The following NAV2 variants were observed in gnomAD, a reference collection of about 807,000 sequenced individuals.
NAV2 encodes helicase, APC down-regulated 1.
NAV2 carries 54 observed loss-of-function variants against 223.2 expected under a neutral mutation model. The observed-to-expected ratio is 0.24, with a 90% CI of 0.19 to 0.30. The LOEUF is 0.30. NAV2 is among the 10% of genes least tolerant of loss of function. NAV2 has a pLI of 1.00. For missense variants in NAV2, 2,806 were observed against 3,147.5 expected (o/e 0.89, Z 2.60); for synonymous variants, 1,279 against 1,239.3 (o/e 1.03, Z -0.67).
intron 1 of NAV2, among the ~76,000 whole-genome samples, chr11:19,782,172 T>C (rs1028759864): frequency 4.6e-5 from 7 of 152,226 alleles, no homozygotes; most frequent in African/African-American, 9.6e-5. Context: ...TTCCATTCTT[T>C]CCTTGAGAAA....
intron 3 of NAV2, among the ~76,000 whole-genome samples, chr11:19,867,019 C>T (rs948300678): frequency 1.3e-5 from 2 of 152,100 alleles, no homozygotes; most frequent in Non-Finnish European, 2.9e-5. Context: ...ACTAGTGTCT[C>T]TTTTGGGGGG....
chr11:19,350,929 G>C (rs1430730806), exon 1 of NAV2: 1 of 1,550,796 alleles, frequency 6.4e-7, no homozygotes, highest in East Asian at 2.4e-5. Context: ...CGCTGAAGGA[G>C]AGAGAGGATT....
chr11:19,354,981 A>G (rs183941549), intron 1 of NAV2, among the ~76,000 whole-genome samples: 3 of 152,324 alleles, frequency 2.0e-5, no homozygotes, highest in Non-Finnish European at 4.4e-5. Context: ...CTCTTGTCAG[A>G]TTCAAATTCT....
At position 20,097,063 on chromosome 11, in the gene NAV2, A is replaced by G. The variant is rs375847145; in HGVS notation, c.6013-514A>G. Among the ~76,000 whole-genome samples the G allele has an allele frequency of 3.7e-4, 56 of 152,266 alleles. 1 individual carries two copies. In the Middle Eastern group the frequency reaches 0.01, roughly 28 times the overall value. On this transcript the variant is annotated intron_variant, in intron 30 of 37. Transcript: ENST00000349880. The stretch of plus-strand genomic sequence containing the variant: ...TAACCTAAAACCTTTTGTTCACTCA[A>G]CTAAGAGGGAACACTTTCCAAATTA...
intron 1 of NAV2, among the ~76,000 whole-genome samples, chr11:19,676,068 C>A (rs2048703493): frequency 6.6e-6 from 1 of 152,200 alleles, no homozygotes; most frequent in Non-Finnish European, 1.5e-5. Context: ...CTTCTACCCA[C>A]CCTGAGAGCC....
chr11:19,633,774 C>G (rs1231548727), intron 1 of NAV2, among the ~76,000 whole-genome samples: 1 of 152,210 alleles, frequency 6.6e-6, no homozygotes, highest in Non-Finnish European at 1.5e-5. Context: ...CTGGCTTCGG[C>G]CTTTGCTCCA....
At chr11:20,105,411 C>G in intron 34 of NAV2, 120 bp from the exon 35 acceptor site, 3 of 766,540 alleles carry the variant, frequency 3.9e-6, no homozygotes, top group Middle Eastern at 3.8e-4. Flanking sequence ...CGGTGCATAG[C>G]TAATCCAATT....
intron 1 of NAV2, among the ~76,000 whole-genome samples, chr11:19,387,249 G>T (rs1849078686): frequency 6.6e-6 from 1 of 152,194 alleles, no homozygotes; most frequent in Non-Finnish European, 1.5e-5. Flanking sequence ...GGTGCTCAGG[G>T]AGCATGGTGG....
intron 1 of NAV2, among the ~76,000 whole-genome samples, chr11:19,615,075 G>T (rs1057146454): frequency 6.6e-6 from 1 of 152,164 alleles, no homozygotes; most frequent in East Asian, 1.9e-4. Flanking sequence ...CTCAGAATGG[G>T]TACTTTATAC....
At chr11:19,356,415 C>T (rs376886575) in intron 1 of NAV2, among the ~76,000 whole-genome samples, 6 of 152,108 alleles carry the variant, frequency 3.9e-5, no homozygotes, top group African/African-American at 9.7e-5. Context: ...GCCAGCCAGC[C>T]GCAGCATGAG....
At chr11:19,537,722 C>T (rs1272301000) in intron 1 of NAV2, among the ~76,000 whole-genome samples, 1 of 152,234 alleles carries the variant, frequency 6.6e-6, no homozygotes, top group Non-Finnish European at 1.5e-5. Context: ...CACAATCTCA[C>T]AGGTATATCT....
chr11:19,908,036 T>C (rs1039607824), intron 6 of NAV2, among the ~76,000 whole-genome samples: 6 of 152,166 alleles, frequency 3.9e-5, no homozygotes, highest in Admixed American at 3.3e-4. Context: ...GCTCTGGCCT[T>C]GAGGTGTTAG....
intron 37 of NAV2, among the ~76,000 whole-genome samples, chr11:20,117,399 TCCCTACTTCAA>T (rs1365865588): frequency 7.9e-5 from 12 of 152,172 alleles, no homozygotes; most frequent in African/African-American, 2.9e-4. Flanking sequence ...ATCATTTTAT[TCCCTACTTCAA>T]CCCTATGAGA....
At chr11:19,374,330 TTTTA>T (rs1246579457) in intron 1 of NAV2, among the ~76,000 whole-genome samples, 57 of 122,768 alleles carry the variant, frequency 4.6e-4, no homozygotes, top group African/African-American at 1.6e-3. Context: ...TTTTTTTTTT[TTTTA>T]AAATCAGCTA....
chr11:20,046,415 T>C (rs1355717842), intron 14 of NAV2, among the ~76,000 whole-genome samples: 1 of 151,992 alleles, frequency 6.6e-6, no homozygotes, highest in Non-Finnish European at 1.5e-5. Context: ...GGTGGGTAGC[T>C]CAGGGGAGCA....
At chr11:19,914,050 T>A (rs1229702429) in intron 6 of NAV2, among the ~76,000 whole-genome samples, 1 of 151,822 alleles carries the variant, frequency 6.6e-6, no homozygotes, top group Non-Finnish European at 1.5e-5. Flanking sequence ...TTTTCAGGAG[T>A]TTTGCAAGCC....
chr11:19,519,848 C>A (rs2043586059), intron 1 of NAV2: 1 of 152,220 alleles, frequency 6.6e-6, no homozygotes, highest in Admixed American at 6.5e-5. Context: ...CCAACTGGGC[C>A]TCTCAGGGAG....
chr11:20,018,865 C>G (rs2054241944), intron 11 of NAV2, among the ~76,000 whole-genome samples: 1 of 152,090 alleles, frequency 6.6e-6, no homozygotes, highest in African/African-American at 2.4e-5. Flanking sequence ...AACATCTGAC[C>G]CGTGAGAAGT....
rs1458520987 is a variant in NAV2 at position 20,106,207 on chromosome 11, A to ATGTGTGTG, written c.6841+481_6841+482insGTGTGTGT. The stretch of plus-strand genomic sequence containing the variant: ...TGTATATATATATATATATATATAT[A>ATGTGTGTG]TATATATATATATATATATATATGC... On this transcript the variant is annotated intron_variant, in intron 35 of 37. Transcript: ENST00000349880. Among the ~76,000 whole-genome samples the ATGTGTGTG allele has an allele frequency of 1.0e-2, 508 of 50,870 alleles. 45 individuals are homozygous for ATGTGTGTG. The highest frequency in any genetic ancestry group is 0.025 in the African/African-American group (481 of 19,240). The allele number at this position is 50,870 out of a possible 152,430, so 33.4% of individuals were successfully genotyped here.
Sources: allele counts gnomAD v4.1 joint callset (sites outside exome capture counted in the v4.1 genomes callset), GRCh38; gene constraint gnomAD v4.1.1; transcripts MANE v1.5; gene names NCBI Gene and HGNC (gene_info 2026-07-23, HGNC 2026-07-21).